Variants in PATJ observed in about 807,000 individuals in gnomAD.
PATJ encodes the protein inaD-like protein.
Under a neutral mutation model 224.9 loss-of-function variants are expected in PATJ, and 190 were observed. The observed-to-expected ratio is 0.84, with a 90% confidence interval of 0.75 to 0.95. The LOEUF (loss-of-function observed/expected upper bound fraction) is 0.95, where lower values mean the gene tolerates loss of function less well. Among genes scored for constraint, PATJ ranks in the 40% least tolerant of loss-of-function variants. The probability of loss-of-function intolerance (pLI) is 0.00; values close to 1 mark genes in which losing one functional copy is unlikely to be tolerated. For synonymous variants in PATJ, 769 were observed against 820.3 expected (o/e 0.94, Z 1.07); for missense variants, 2,121 against 2,270.3 (o/e 0.93, Z 1.34).
chr1:61,967,924 G>T (rs755865479), intron 27 of PATJ, among the ~76,000 whole-genome samples: 4 of 152,116 alleles, frequency 2.6e-5, no homozygotes, highest in Non-Finnish European at 4.4e-5. Context: ...ACTATCAGCT[G>T]CTTTCAGAGT....
intron 27 of PATJ, among the ~76,000 whole-genome samples, chr1:61,967,732 G>A (rs187037974): frequency 6.6e-6 from 1 of 152,294 alleles, no homozygotes; most frequent in East Asian, 1.9e-4. Context: ...GTTTAGAATT[G>A]CCCATAAGAG....
chr1:62,048,461 G>A lies in PATJ; in HGVS notation c.4033-2505G>A, dbSNP rs565970499. On this transcript the variant is annotated intron_variant, in intron 30 of 43. Coordinates refer to ENST00000642238, the MANE Select transcript of PATJ (RefSeq NM_001350145.3). ...CTCGGGAGGCTGAGGCAGGAGAGTC[G>A]CTTGAACCCAGGAGGCAGAAGTTGC... Among the ~76,000 whole-genome samples, 8 of 147,032 alleles carry A rather than the reference G, an allele frequency of 5.4e-5. No homozygotes were observed. The South Asian group carries it at 1.1e-3, about 20-fold the overall frequency.
intron 22 of PATJ, among the ~76,000 whole-genome samples, chr1:61,887,755 AT>A: frequency 6.6e-6 from 1 of 152,302 alleles, no homozygotes; most frequent in Middle Eastern, 3.4e-3. Context: ...AAGGAAGCAC[AT>A]TTGAAGGAAA....
intron 27 of PATJ, among the ~76,000 whole-genome samples, chr1:61,978,196 TCTTC>T (rs142507580): frequency 0.045 from 6,174 of 137,780 alleles, 542 homozygotes; most frequent in African/African-American, 0.15. Flanking sequence ...CATCTTCATA[TCTTC>T]CTTCCTTCCT....
At chr1:62,003,392 A>T (rs1398635379) in intron 28 of PATJ, among the ~76,000 whole-genome samples, 1 of 152,178 alleles carries the variant, frequency 6.6e-6, no homozygotes, top group East Asian at 1.9e-4. Flanking sequence ...TGAGCTGCAT[A>T]TTACTATTAT....
intron 20 of PATJ, 108 bp downstream of exon 20, chr1:61,864,741 C>A: frequency 2.1e-6 from 2 of 938,554 alleles, no homozygotes; most frequent in Non-Finnish European, 3.1e-6. Context: ...TGGGCCTTTC[C>A]GTAAGTCGTC....
intron 37 of PATJ, chr1:62,117,584 T>A (rs1664585607): frequency 5.1e-6 from 1 of 196,082 alleles, no homozygotes; most frequent in African/African-American, 2.4e-5. Flanking sequence ...CAATTAAATA[T>A]TGCTATAAAG....
chr1:61,829,791 G>A (rs1255904445), intron 16 of PATJ, among the ~76,000 whole-genome samples: 1 of 152,112 alleles, frequency 6.6e-6, no homozygotes, highest in Non-Finnish European at 1.5e-5. Flanking sequence ...TGGTTAGGCA[G>A]CTTAGCCAAA....
chr1:61,883,092 G>A (rs1236160199), intron 21 of PATJ, among the ~76,000 whole-genome samples: 6 of 152,120 alleles, frequency 3.9e-5, no homozygotes. Context: ...GATCTATTGT[G>A]GTGAGACTAA....
chr1:62,067,293 AT>A (rs1246225349), intron 31 of PATJ, among the ~76,000 whole-genome samples: 1 of 150,740 alleles, frequency 6.6e-6, no homozygotes, highest in Non-Finnish European at 1.5e-5. Flanking sequence ...CGCCCGGCTA[AT>A]TTTTTTGTAT....
chr1:62,112,331 C>T (rs1663929428), intron 34 of PATJ, among the ~76,000 whole-genome samples: 1 of 152,020 alleles, frequency 6.6e-6, no homozygotes, highest in South Asian at 2.1e-4. Flanking sequence ...CATGGTGAAA[C>T]CCCGTCTCTA....
chr1:61,979,417 G>A (rs1487005582), intron 27 of PATJ, among the ~76,000 whole-genome samples: 1 of 152,042 alleles, frequency 6.6e-6, no homozygotes. Context: ...CACTTTGGGA[G>A]GCCAAGGTGG....
intron 31 of PATJ, chr1:62,073,205 A>C (rs1657736790): frequency 1.0e-6 from 1 of 985,282 alleles, no homozygotes; most frequent in African/African-American, 1.7e-5. Flanking sequence ...TTATTACTTG[A>C]CAGGAGGTTG....
At chr1:61,744,219 G>A (rs1239715285) in intron 1 of PATJ, among the ~76,000 whole-genome samples, 2 of 137,008 alleles carry the variant, frequency 1.5e-5, no homozygotes, top group East Asian at 4.4e-4. Context: ...AGGAGATGGA[G>A]GCTGTGGTGA....
At chr1:62,052,981 T>A (rs1443280426) in intron 31 of PATJ, among the ~76,000 whole-genome samples, 2 of 152,162 alleles carry the variant, frequency 1.3e-5, no homozygotes, top group Non-Finnish European at 2.9e-5. Context: ...CCCAATTTCA[T>A]CCACAGAGGA....
chr1:61,828,603 G>C (rs1658748145), intron 16 of PATJ, among the ~76,000 whole-genome samples: 1 of 151,590 alleles, frequency 6.6e-6, no homozygotes, highest in African/African-American at 2.4e-5. Context: ...TATTTCCCAG[G>C]GTGGTCTCAA....
intron 21 of PATJ, among the ~76,000 whole-genome samples, chr1:61,882,066 G>T (rs559847481): frequency 6.6e-6 from 1 of 152,206 alleles, no homozygotes; most frequent in African/African-American, 2.4e-5. Flanking sequence ...TTCTGTATAA[G>T]AGTGCTGCTC....
chr1:61,771,464 G>T lies in PATJ; in HGVS notation c.558G>T (p.Leu186Phe). The change falls in exon 6 of 44, where the codon TTG becomes TTT. Residue 186 changes from leucine to phenylalanine, a missense_variant. Leu to Phe is a conservative substitution (Grantham distance 22). Coordinates refer to ENST00000642238, the MANE Select transcript of PATJ (RefSeq NM_001350145.3). Reference sequence around the variant, plus strand: ...GATTAAAGGAAAATGATCAAATATTGGCCATTAATCACACGCCATTGGATC... The same window carrying T: ...GATTAAAGGAAAATGATCAAATATTTGCCATTAATCACACGCCATTGGATC... ...DQRLKENDQILAINHTPLDQN... is the reference protein window; with the variant it reads ...DQRLKENDQIFAINHTPLDQN... The T allele has an allele frequency of 6.2e-7, 1 of 1,601,086 alleles. No homozygotes were observed. Among genetic ancestry groups the T allele is most frequent in the Non-Finnish European group, 8.5e-7 (1 of 1,175,496 alleles).
chr1:62,153,459 A>G lies in PATJ; in HGVS notation c.5480A>G (p.Tyr1827Cys). The stretch of plus-strand genomic sequence containing the variant: ...AGTCCCCATGGAGACCTGCCAATTT[A>G]TGTCAAGACTGTATTTGCAAAGGTA... ...YGSPHGDLPI[Y>C]VKTVFAKGAA... Residue 1827 changes from tyrosine to cysteine, a missense_variant, in exon 43 of 44, where the codon TAT (tyrosine) becomes TGT (cysteine). Tyr to Cys is a radical substitution (Grantham distance 194). Transcript: ENST00000642238. The G allele has an allele frequency of 3.2e-6, 4 of 1,231,598 alleles. No individual in the cohort carries two copies. Among genetic ancestry groups the G allele is most frequent in the Non-Finnish European group, 4.1e-6 (4 of 987,468 alleles). The allele number at this position is 1,231,598 out of a possible 1,614,324, so 76.3% of individuals were successfully genotyped here. A position where few individuals can be genotyped will look rare whatever the true frequency, so the allele number is the denominator to read the frequency against.
Sources: gnomAD v4.1 joint callset for allele counts (sites outside exome capture counted in the v4.1 genomes callset) on GRCh38, gnomAD v4.1.1 for gene constraint, MANE v1.5 for transcripts, NCBI Gene and HGNC (gene_info 2026-07-23, HGNC 2026-07-21) for gene names.